NUP133: variants seen among roughly 807,000 people sequenced by gnomAD.
NUP133 encodes nucleoporin 133, also known as nuclear pore complex protein Nup133.
In NUP133, 66 loss-of-function variants were observed where a neutral mutation model predicts 146.2. That is an observed-to-expected ratio of 0.45 (90% CI 0.37 to 0.55). The LOEUF is 0.55. Ranked by LOEUF, NUP133 falls within the 20% of genes least tolerant of loss-of-function variation. The pLI is 0.00. For missense variants in NUP133, 1,277 were observed against 1,374.8 expected, an observed-to-expected ratio of 0.93 and a Z score of 1.12; for synonymous variants, 521 against 498.8, an observed-to-expected ratio of 1.04 and a Z score of -0.59.
At chr1:229,455,932 T>C (rs1660550202) in intron 21 of NUP133, among the ~76,000 whole-genome samples, 1 of 152,218 alleles carries the variant, frequency 6.6e-6, no homozygotes, top group Admixed American at 6.6e-5. Flanking sequence ...TTGAGGGTGA[T>C]TCAGGATCAA....
chr1:229,493,915 G>T (rs1446566859), intron 8 of NUP133, among the ~76,000 whole-genome samples: 1 of 152,020 alleles, frequency 6.6e-6, no homozygotes, highest in East Asian at 1.9e-4. Context: ...GGCAGATCAC[G>T]AGGTCAGGAG....
At chr1:229,485,456 G>A (rs1426221635) in intron 11 of NUP133, among the ~76,000 whole-genome samples, 1 of 152,078 alleles carries the variant, frequency 6.6e-6, no homozygotes, top group African/African-American at 2.4e-5. Context: ...AAAGGAAAGT[G>A]AGAAAATACA....
intron 18 of NUP133, 141 bp downstream of exon 18, chr1:229,464,483 G>T: frequency 1.0e-6 from 1 of 966,014 alleles, no homozygotes; most frequent in African/African-American, 1.6e-5. Context: ...GAATAAATGA[G>T]CACAGAAAGC....
chr1:229,464,480 T>C, intron 18 of NUP133, 144 bp downstream of exon 18: 1 of 947,754 alleles, frequency 1.1e-6, no homozygotes, highest in Non-Finnish European at 1.6e-6. Context: ...GTTGAATAAA[T>C]GAGCACAGAA....
rs1661287696 is a variant in NUP133, at chr1:229,484,123, G to A, written c.1523C>T (p.Thr508Ile). 1 of 1,612,982 alleles carries A rather than the reference G, an allele frequency of 6.2e-7. No individual in the cohort carries two copies. Among genetic ancestry groups the A allele is most frequent in the Non-Finnish European group, 8.5e-7 (1 of 1,179,334 alleles). ...TTCCTGGGCTATAGTTTCATTCTTT[G>A]TAGTGGTCTCAAAAATCATACTCTG... ...NSESMIFETT[T>I]KNETIAQEDK... Residue 508 changes from threonine (T) to isoleucine (I), a missense_variant, in exon 12 of 26, where the codon ACA (threonine) becomes ATA (isoleucine). Physicochemically the swap from Thr to Ile is moderately conservative, Grantham distance 89. Around this residue, in one of 3 missense-constraint regions of NUP133, gnomAD observed 952 missense variants for 1,047.0 expected, o/e 0.91. Coordinates refer to ENST00000261396, the MANE Select transcript of NUP133 (RefSeq NM_018230.3).
chr1:229,500,402 G>A (rs1353198638), intron 4 of NUP133, among the ~76,000 whole-genome samples: 1 of 151,976 alleles, frequency 6.6e-6, no homozygotes, highest in Non-Finnish European at 1.5e-5. Flanking sequence ...CAAGGTATGA[G>A]GTTTAAGGGA....
chr1:229,463,660 G>C lies in NUP133; in HGVS notation c.2568C>G (p.Tyr856Ter). The stretch of plus-strand genomic sequence containing the variant: ...TCTCTGCTAGAGAAGCAGCCCACAG[G>C]TACTGGCCTAGTGAAACTGTGGGAA... ...LLSPLLSLGQ[Y>*]LWAASLAEKY... The change falls in exon 19 of 26, where the codon TAC becomes TAG. Residue 856 changes from tyrosine (Y) to a stop codon, truncating the protein, a stop_gained. Transcript: ENST00000261396. LOFTEE classifies it high-confidence loss of function. The C allele has an allele frequency of 6.2e-7, 1 of 1,612,430 alleles. No homozygotes were observed. The highest frequency in any genetic ancestry group is 8.5e-7 in the Non-Finnish European group (1 of 1,179,632).
intron 5 of NUP133, among the ~76,000 whole-genome samples, chr1:229,498,571 C>T (rs569898398): frequency 3.3e-5 from 5 of 152,134 alleles, no homozygotes; most frequent in South Asian, 2.1e-4. Context: ...GAGCCCAAGG[C>T]GGGGTGAAAC....
rs145861862 is a variant in NUP133 at position 229,460,744 on chromosome 1, C to A, written c.2711G>T (p.Trp904Leu). 3.7e-5 allele frequency: 60 copies of A among 1,611,860 alleles called. No homozygotes were observed. Among genetic ancestry groups the A allele is most frequent in the African/African-American group, 5.3e-5 (4 of 74,790 alleles). The change falls in exon 20 of 26, where the codon TGG becomes TTG. Residue 904 changes from tryptophan (W) to leucine (L), a missense_variant. Transcript: ENST00000261396. Reference protein sequence around the residue: ...DQNFSDFLFRWYLEKGKRGKL... With the variant: ...DQNFSDFLFRLYLEKGKRGKL... ...GCCTCGCTTTCCTTTCTCCAGATAC[C>A]AACGGAAGAGAAAGTCTGAAAAATT...
chr1:229,450,739 T>TTTGTTTGTTTG, intron 22 of NUP133, 134 bp from the exon 23 acceptor site: 1 of 470,080 alleles, frequency 2.1e-6, no homozygotes. Flanking sequence ...TTGTTTGTTT[T>TTTGTTTGTTTG]TTTTGAGACA....
At chr1:229,505,590 A>G (rs1368942975) in intron 2 of NUP133, among the ~76,000 whole-genome samples, 2 of 149,766 alleles carry the variant, frequency 1.3e-5, no homozygotes, top group Non-Finnish European at 3.0e-5. Flanking sequence ...AAAAAAAAAA[A>G]AAACTAAGAC....
At chr1:229,490,592 A>G (rs959275614) in intron 8 of NUP133, among the ~76,000 whole-genome samples, 21 of 152,286 alleles carry the variant, frequency 1.4e-4, no homozygotes, top group Non-Finnish European at 2.4e-4. Context: ...AGAAAGCACA[A>G]GGGAATTTGG....
At chr1:229,483,095 G>A (rs936416061) in intron 12 of NUP133, among the ~76,000 whole-genome samples, 22 of 152,144 alleles carry the variant, frequency 1.4e-4, no homozygotes, top group African/African-American at 5.3e-4. Flanking sequence ...AATAGGCCAG[G>A]TCTAATTCTT....
chr1:229,477,586 A>G lies in NUP133; in HGVS notation c.1756+11T>C. On this transcript the variant is annotated intron_variant, in intron 13 of 25. Coordinates refer to ENST00000261396, the MANE Select transcript of NUP133 (RefSeq NM_018230.3). ...TCAAAACACACCGTTCCATAATTGAAACATTCTTACCCTCAGGGACAGACT... is the reference window on the plus strand; with the variant it reads ...TCAAAACACACCGTTCCATAATTGAGACATTCTTACCCTCAGGGACAGACT... 1 of 1,589,840 alleles carries G rather than the reference A, an allele frequency of 6.3e-7. No homozygotes were observed. The highest frequency in any genetic ancestry group is 8.6e-7 in the Non-Finnish European group (1 of 1,165,694).
intron 8 of NUP133, among the ~76,000 whole-genome samples, chr1:229,492,115 T>A (rs1046812119): frequency 9.9e-5 from 15 of 152,136 alleles, no homozygotes; most frequent in African/African-American, 3.6e-4. Context: ...ACATTTTTTT[T>A]TTTTTTTTGA....
intron 12 of NUP133, among the ~76,000 whole-genome samples, chr1:229,482,196 T>C (rs545074577): frequency 4.9e-4 from 75 of 152,148 alleles, no homozygotes; most frequent in African/African-American, 1.7e-3. Flanking sequence ...CTAAGCTCAG[T>C]AGATCACGAG....
At chr1:229,480,852 ATTTT>A (rs5781543) in intron 12 of NUP133, among the ~76,000 whole-genome samples, 1 of 125,884 alleles carries the variant, frequency 7.9e-6, no homozygotes, top group African/African-American at 2.9e-5. Context: ...ACACCCAGCT[ATTTT>A]TTTTTTTTTT....
Position 229,467,947 on chromosome 1 carries a change from TATATA to T in NUP133, c.2077-1196_2077-1192del, listed in dbSNP as rs556668038. Reference sequence around the variant, plus strand: ...TCAAAAAAAAAAAAAAAGGAAAGCATATATAATATAAAAGACAGAAAATAACATAA... The same window carrying T: ...TCAAAAAAAAAAAAAAAGGAAAGCATATATAAAAGACAGAAAATAACATAA... On this transcript the variant is annotated intron_variant, in intron 15 of 25. Coordinates refer to ENST00000261396, the MANE Select transcript of NUP133 (RefSeq NM_018230.3). 7.7e-3 allele frequency among the ~76,000 whole-genome samples: 1,157 copies of T among 150,606 alleles called. 9 individuals are homozygous for T. The highest frequency in any genetic ancestry group is 0.034 in the Middle Eastern group (10 of 292).
chr1:229,452,316 G>GA (rs1183956534), intron 22 of NUP133, among the ~76,000 whole-genome samples: 1 of 152,146 alleles, frequency 6.6e-6, no homozygotes, highest in African/African-American at 2.4e-5. Flanking sequence ...CCTTTAGGTG[G>GA]AGGTGTATGG....
Sources: allele counts gnomAD v4.1 joint callset (sites outside exome capture counted in the v4.1 genomes callset), GRCh38; gene constraint gnomAD v4.1.1; regional missense constraint gnomAD v4.1.1; transcripts MANE v1.5; gene names NCBI Gene and HGNC (gene_info 2026-07-23, HGNC 2026-07-21).